TMLHE: variants seen among roughly 807,000 people sequenced by gnomAD.
TMLHE encodes the protein trimethyllysine hydroxylase, epsilon, also known as trimethyllysine dioxygenase, mitochondrial.
In TMLHE, 18 loss-of-function variants were observed where a neutral mutation model predicts 25.7. The observed-to-expected ratio is 0.70, with a 90% CI of 0.48 to 1.04. TMLHE has a LOEUF of 1.04. Ranked by LOEUF, TMLHE falls within the 50% of genes least tolerant of loss-of-function variation. The pLI is 0.00. For synonymous variants in TMLHE, 105 were observed against 97.0 expected (o/e 1.08, Z -0.49); for missense variants, 236 against 259.0 (o/e 0.91, Z 0.61).
At chrX:155,557,305 G>T (rs2067464032) in intron 1 of TMLHE, among the ~76,000 whole-genome samples, 1 of 111,869 alleles carries the variant, frequency 8.9e-6, no homozygotes, top group Admixed American at 9.5e-5. Context: ...TATTAATTTG[G>T]GGAACTAATA....
intron 1 of TMLHE, among the ~76,000 whole-genome samples, chrX:155,549,646 G>C (rs1175036863): frequency 1.8e-5 from 2 of 109,616 alleles, no homozygotes; most frequent in Admixed American, 9.7e-5. Flanking sequence ...TCAGTATTTT[G>C]CATCTAGATA....
At chrX:155,560,263 AT>A (rs1205694514) in intron 1 of TMLHE, among the ~76,000 whole-genome samples, 1 of 110,698 alleles carries the variant, frequency 9.0e-6, no homozygotes, top group Non-Finnish European at 1.9e-5. Flanking sequence ...ATATCAATTC[AT>A]TGAGAAACCT....
chrX:155,557,897 T>C (rs941542488), intron 1 of TMLHE, among the ~76,000 whole-genome samples: 9 of 111,668 alleles, frequency 8.1e-5, no homozygotes, highest in African/African-American at 1.6e-4. Context: ...CCCACCGTAG[T>C]GTATCTCTAC....
At chrX:155,560,453 A>G (rs1453019171) in intron 1 of TMLHE, among the ~76,000 whole-genome samples, 1 of 108,311 alleles carries the variant, frequency 9.2e-6, no homozygotes, top group Non-Finnish European at 1.9e-5. Flanking sequence ...TTAAGTATAA[A>G]CATAATAAGT....
chrX:155,547,561 T>G (rs2067359611), intron 1 of TMLHE, among the ~76,000 whole-genome samples: 3 of 111,829 alleles, frequency 2.7e-5, no homozygotes, highest in African/African-American at 6.5e-5. Context: ...TGATAACTAC[T>G]ACTATTTATA....
chrX:155,611,118 T>C (rs186971418), intron 1 of TMLHE, among the ~76,000 whole-genome samples: 101 of 111,700 alleles, frequency 9.0e-4, no homozygotes, highest in Non-Finnish European at 1.2e-3. Context: ...TGAGGTATTT[T>C]CCTCATCCAG....
intron 1 of TMLHE, among the ~76,000 whole-genome samples, chrX:155,587,372 A>G (rs1420982286): frequency 8.9e-6 from 1 of 111,961 alleles, no homozygotes; most frequent in African/African-American, 3.2e-5. Flanking sequence ...CCTCAAAAAC[A>G]TAAAGGTCAT....
At chrX:155,598,888 C>G (rs991134868) in intron 1 of TMLHE, among the ~76,000 whole-genome samples, 4 of 110,330 alleles carry the variant, frequency 3.6e-5, no homozygotes, top group African/African-American at 1.3e-4. Flanking sequence ...GCAAAAAATA[C>G]AGACAGAAAT....
At chrX:155,507,194 G>T in intron 5 of TMLHE, 60 bp from the exon 6 acceptor site, 4 of 733,856 alleles carry the variant, frequency 5.5e-6, no homozygotes, top group Non-Finnish European at 6.1e-6. Flanking sequence ...CAAAATTCTA[G>T]AAATTATATA....
intron 3 of TMLHE, among the ~76,000 whole-genome samples, chrX:155,514,473 C>A (rs935033570): frequency 9.0e-6 from 1 of 110,744 alleles, no homozygotes; most frequent in African/African-American, 3.3e-5. Context: ...AATGAATGAA[C>A]AAATAAATCT....
chrX:155,545,016 A>G, intron 2 of TMLHE, 80 bp downstream of exon 2: 1 of 1,069,331 alleles, frequency 9.4e-7, no homozygotes, highest in Non-Finnish European at 1.3e-6. Flanking sequence ...TTATCATTCC[A>G]ATTTTTGATA....
At position 155,526,162 on chromosome X, in the gene TMLHE, G is replaced by A. The variant is rs140356981; in HGVS notation, c.182-1530C>T. ...TTTGCAGGAGCCCATCCCATTACAG[G>A]CCCTGAGGCCAAGAGGGAAAAAAGA... On this transcript the variant is annotated intron_variant, in intron 2 of 7. Coordinates refer to ENST00000334398, the MANE Select transcript of TMLHE (RefSeq NM_018196.4). 6.9e-3 allele frequency among the ~76,000 whole-genome samples: 775 copies of A among 112,882 alleles called. 6 individuals are homozygous for A. Among genetic ancestry groups the A allele is most frequent in the African/African-American group, 0.024 (736 of 31,129 alleles).
intron 3 of TMLHE, chrX:155,524,162 A>G (rs1217102392): frequency 4.6e-6 from 1 of 216,067 alleles, no homozygotes; most frequent in Non-Finnish European, 8.3e-6. Flanking sequence ...GTACTATGAT[A>G]AATAAGAGTG....
At chrX:155,514,412 A>G in intron 3 of TMLHE, 147 bp from the exon 4 acceptor site, 1 of 576,556 alleles carries the variant, frequency 1.7e-6, no homozygotes, top group Non-Finnish European at 2.6e-6. Flanking sequence ...ATGAATGCCT[A>G]GAATGTTTCT....
intron 2 of TMLHE, among the ~76,000 whole-genome samples, chrX:155,535,510 A>G (rs1367744862): frequency 8.9e-6 from 1 of 112,064 alleles, no homozygotes. Flanking sequence ...TAGCTCTCAA[A>G]GGTTCCATCT....
chrX:155,518,386 GA>G (rs1171284927), intron 3 of TMLHE, among the ~76,000 whole-genome samples: 2 of 95,971 alleles, frequency 2.1e-5, no homozygotes, highest in Non-Finnish European at 4.2e-5. Flanking sequence ...GCTCATGGTG[GA>G]AAAGCTTTTT....
intron 1 of TMLHE, among the ~76,000 whole-genome samples, chrX:155,561,284 G>A (rs6567766): frequency 0.1 from 6,071 of 60,934 alleles, 2,033 homozygotes; most frequent in Non-Finnish European, 0.22. Flanking sequence ...AGCAAGGCAC[G>A]TCTTACATGA....
At chrX:155,539,709 G>T (rs1270385274) in intron 2 of TMLHE, among the ~76,000 whole-genome samples, 1 of 111,145 alleles carries the variant, frequency 9.0e-6, no homozygotes, top group Non-Finnish European at 1.9e-5. Flanking sequence ...CAGACATAGA[G>T]AAATATAAAT....
intron 4 of TMLHE, 67 bp from the exon 5 acceptor site, chrX:155,511,859 C>T: frequency 4.0e-6 from 4 of 1,010,528 alleles, no homozygotes; most frequent in Non-Finnish European, 5.3e-6. Context: ...TTCAAAACTC[C>T]TTCCAATACC....
Sources: gnomAD v4.1 joint callset for allele counts (sites outside exome capture counted in the v4.1 genomes callset) on GRCh38, gnomAD v4.1.1 for gene constraint, MANE v1.5 for transcripts, NCBI Gene and HGNC (gene_info 2026-07-23, HGNC 2026-07-21) for gene names.